RRAGD: variants seen among roughly 807,000 people sequenced by gnomAD.
RRAGD encodes the protein ras-related GTP-binding protein D.
Under a neutral mutation model 35.5 loss-of-function variants are expected in RRAGD, and 12 were observed. That is an observed-to-expected ratio of 0.34 (90% confidence interval 0.22 to 0.55). The LOEUF (loss-of-function observed/expected upper bound fraction) is 0.55. Ranked by LOEUF, RRAGD falls within the 20% of genes least tolerant of loss-of-function variation. The pLI, the probability that RRAGD is intolerant of heterozygous loss-of-function variation, is 0.91. For synonymous variants in RRAGD, 155 were observed against 178.9 expected (o/e 0.87, Z 1.07); for missense variants, 324 against 490.1 (o/e 0.66, Z 3.20).
rs1490606754 is a variant in RRAGD, at chr6:89,365,469, C to T, written c.*2587G>A. The T allele has an allele frequency of 2.6e-5, 4 of 152,190 alleles. No individual in the cohort carries two copies. The highest frequency in any genetic ancestry group is 5.9e-5 in the Non-Finnish European group (4 of 68,034). The allele number at this position is 152,190 out of a possible 1,614,324, so 9.4% of individuals were successfully genotyped here. A position where few individuals can be genotyped will look rare whatever the true frequency, so the allele number is the denominator to read the frequency against. ...CCATACACATCGCAATAAGCTGCCT[C>T]TCATATCAAAAATACAATGCAAAAT... On this transcript the variant is annotated 3_prime_UTR_variant, in exon 7 of 7. Transcript: ENST00000369415.
intron 1 of RRAGD, among the ~76,000 whole-genome samples, chr6:89,405,563 C>T (rs1769563016): frequency 1.3e-5 from 2 of 151,882 alleles, no homozygotes; most frequent in Admixed American, 6.6e-5. Flanking sequence ...CACACACAGG[C>T]ACACAAGGAC....
Position 89,411,875 on chromosome 6 carries a change from G to C in RRAGD, c.119C>G (p.Ala40Gly). 4 of 1,549,382 alleles carry C rather than the reference G, an allele frequency of 2.6e-6. No homozygotes were observed. The highest frequency in any genetic ancestry group is 3.5e-6 in the Non-Finnish European group (4 of 1,149,792). Residue 40 changes from alanine to glycine, a missense_variant, in exon 1 of 7, where the codon GCC (alanine) becomes GGC (glycine). Physicochemically the swap from Ala to Gly is moderately conservative, Grantham distance 60. Around this residue, in one of 5 missense-constraint regions of RRAGD, gnomAD observed 96 missense variants for 78.7 expected, o/e 1.22. Transcript: ENST00000369415. This position sits in a 1 kb window ranked among gnomAD's most constrained non-coding sequence, Gnocchi z 5.6. ...CTCCTCTGTGCCGCTGTCCGGATCG[G>C]CGTCGGAGGAGTCGGGCCCGTCTCC... ...DYGDGPDSSD[A>G]DPDSGTEEGV... is the part of the protein sequence containing the mutation.
rs1165534175 is a variant in RRAGD at position 89,411,048 on chromosome 6, C to T, written c.148+798G>A. ...GGAATACTAAAAGGCTCTCAACTTC[C>T]TTACACCTTAAGAAAATGCAGGAAG... On this transcript the variant is annotated intron_variant, in intron 1 of 6. Transcript: ENST00000369415. The surrounding 1 kb of genome is among the most constrained non-coding windows in gnomAD (Gnocchi z 5.6). Among the ~76,000 whole-genome samples the T allele has an allele frequency of 6.6e-6, 1 of 152,198 alleles. No individual in the cohort carries two copies. Among genetic ancestry groups the T allele is most frequent in the Non-Finnish European group, 1.5e-5 (1 of 68,024 alleles).
intron 1 of RRAGD, among the ~76,000 whole-genome samples, chr6:89,409,514 A>T (rs1769654367): frequency 2.0e-5 from 3 of 152,240 alleles, no homozygotes; most frequent in South Asian, 4.1e-4. Context: ...TAAGTTTGAG[A>T]GTAGGTAAAT....
At chr6:89,394,705 A>T (rs1237713387) in intron 1 of RRAGD, among the ~76,000 whole-genome samples, 1 of 151,934 alleles carries the variant, frequency 6.6e-6, no homozygotes, top group Non-Finnish European at 1.5e-5. Flanking sequence ...ATAGTTAAGT[A>T]TTTTTTTTAA....
At position 89,387,478 on chromosome 6, in the gene RRAGD, A is replaced by C. The variant is rs746511164; in HGVS notation, c.261T>G (p.Ser87=). The C allele has an allele frequency of 1.2e-5, 20 of 1,614,042 alleles. No homozygotes were observed. The South Asian group carries it at 2.0e-4, about 16-fold the overall frequency. The stretch of plus-strand genomic sequence containing the variant: ...TCTCCAAGAACAGAGTTTCGTTGGG[A>C]GACATTTTGTGAAAGACAACTTTCT... The part of the protein sequence containing the change: ...SIQKVVFHKM[S]PNETLFLEST... The change falls in exon 2 of 7, where the codon TCT becomes TCG. Residue 87 remains serine (S), a synonymous_variant. Coordinates refer to ENST00000369415, the MANE Select transcript of RRAGD (RefSeq NM_021244.5).
At chr6:89,401,356 C>G (rs566827854) in intron 1 of RRAGD, among the ~76,000 whole-genome samples, 81 of 151,952 alleles carry the variant, frequency 5.3e-4, no homozygotes, top group African/African-American at 1.9e-3. Context: ...CTCCCAGGTT[C>G]GAGCGATTCT....
At chr6:89,398,879 C>A (rs535376033) in intron 1 of RRAGD, among the ~76,000 whole-genome samples, 1 of 152,154 alleles carries the variant, frequency 6.6e-6, no homozygotes, top group Non-Finnish European at 1.5e-5. Context: ...AAATACTATA[C>A]TCTAATTTGC....
At chr6:89,409,646 T>C (rs1429532790) in intron 1 of RRAGD, among the ~76,000 whole-genome samples, 1 of 152,188 alleles carries the variant, frequency 6.6e-6, no homozygotes, top group Non-Finnish European at 1.5e-5. Context: ...CCCCAGACCA[T>C]ATCAGCTGGC....
intron 6 of RRAGD, among the ~76,000 whole-genome samples, chr6:89,370,167 G>C (rs1363159426): frequency 6.6e-6 from 1 of 152,234 alleles, no homozygotes; most frequent in African/African-American, 2.4e-5. Flanking sequence ...TCTGTGACAT[G>C]AGAGGGTGAA....
intron 6 of RRAGD, among the ~76,000 whole-genome samples, chr6:89,368,718 GT>G: frequency 6.6e-6 from 1 of 152,274 alleles, no homozygotes; most frequent in South Asian, 2.1e-4. Flanking sequence ...TAATTTTAGA[GT>G]GTTAACAGTC....
At chr6:89,384,082 A>G (rs1769095109) in intron 2 of RRAGD, among the ~76,000 whole-genome samples, 1 of 151,184 alleles carries the variant, frequency 6.6e-6, no homozygotes, top group Admixed American at 6.6e-5. Context: ...CAGCCTGGTG[A>G]CAGAGTGAGA....
At position 89,368,139 on chromosome 6, in the gene RRAGD, C is replaced by T. The variant is rs764313679; in HGVS notation, c.1120G>A (p.Val374Ile). ...IHEVFEVRMKVVKSRKVQNRL... is the reference protein window; with the variant it reads ...IHEVFEVRMKIVKSRKVQNRL... The stretch of plus-strand genomic sequence containing the variant: ...TTCTGAACCTTTCGAGATTTTACTA[C>T]TTTCATTCTCACCTCAAAAACTTCA... The change falls in exon 7 of 7, where the codon GTA becomes ATA. Residue 374 changes from valine to isoleucine, a missense_variant. Transcript: ENST00000369415. 5.0e-6 allele frequency: 8 copies of T among 1,613,784 alleles called. No homozygotes were observed. The East Asian group carries it at 1.6e-4, about 31-fold the overall frequency.
chr6:89,381,240 T>G (rs1340458164), intron 2 of RRAGD, among the ~76,000 whole-genome samples: 1 of 152,244 alleles, frequency 6.6e-6, no homozygotes, highest in East Asian at 1.9e-4. Context: ...ATGGCAGAGT[T>G]GAGTAAGTTT....
chr6:89,370,548 C>G (rs1282537752), intron 6 of RRAGD, among the ~76,000 whole-genome samples: 1 of 152,152 alleles, frequency 6.6e-6, no homozygotes, highest in African/African-American at 2.4e-5. Context: ...CAAAATGGGC[C>G]TACCCTTTTG....
Position 89,387,313 on chromosome 6 carries a change from TA to T in RRAGD, c.425del (p.Ile142AsnfsTer21). On this transcript the variant is annotated frameshift_variant, in exon 2 of 7. Coordinates refer to ENST00000369415, the MANE Select transcript of RRAGD (RefSeq NM_021244.5). LOFTEE classifies it high-confidence loss of function. The part of the protein sequence containing the change: ...EMIFRGTGAL[I>X]FVIDSQDDYM... ...GCTTTACCTGTGAGTCAATGACAAA[TA>T]TCAGTGCTCCTGTTCCCCGGAAGAT... 6.2e-7 allele frequency: 1 copy of T among 1,613,750 alleles called. No homozygotes were observed. The highest frequency in any genetic ancestry group is 8.5e-7 in the Non-Finnish European group (1 of 1,179,668).
chr6:89,387,280 G>A lies in RRAGD; in HGVS notation c.444+15C>T, dbSNP rs1229316141. The A allele has an allele frequency of 1.9e-6, 3 of 1,607,830 alleles. No individual in the cohort carries two copies. Among genetic ancestry groups the A allele is most frequent in the Non-Finnish European group, 1.7e-6 (2 of 1,175,252 alleles). ...ACCGGCCAGGCCATCATACCCCTGA[G>A]ACTCTGAGCTTTACCTGTGAGTCAA... On this transcript the variant is annotated intron_variant, in intron 2 of 6. Transcript: ENST00000369415.
chr6:89,392,294 A>C (rs1258840036), intron 1 of RRAGD, among the ~76,000 whole-genome samples: 1 of 151,852 alleles, frequency 6.6e-6, no homozygotes, highest in Non-Finnish European at 1.5e-5. Flanking sequence ...GGCAGCATAG[A>C]GAGACCTTTG....
rs1246962044 is a variant in RRAGD at position 89,365,087 on chromosome 6, G to C, written c.*2969C>G. On this transcript the variant is annotated 3_prime_UTR_variant, in exon 7 of 7. Coordinates refer to ENST00000369415, the MANE Select transcript of RRAGD (RefSeq NM_021244.5). ...TTCAAACAGAGTTGGCATATAACCC[G>C]TATGTAACAATATTGCTGTGATTTT... 6.6e-6 allele frequency: 1 copy of C among 152,140 alleles called. No homozygotes were observed. Among genetic ancestry groups the C allele is most frequent in the African/African-American group, 2.4e-5 (1 of 41,422 alleles). The allele number at this position is 152,140 out of a possible 1,614,324, so 9.4% of individuals were successfully genotyped here.
Sources: allele counts gnomAD v4.1 joint callset (sites outside exome capture counted in the v4.1 genomes callset), GRCh38; gene constraint gnomAD v4.1.1; regional missense constraint gnomAD v4.1.1; non-coding constraint Gnocchi (gnomAD v3.1); transcripts MANE v1.5; gene names NCBI Gene and HGNC (gene_info 2026-07-23, HGNC 2026-07-21).